The following ATP1A1 variants were observed in gnomAD, a reference collection of about 807,000 sequenced individuals.
ATP1A1 encodes the protein ATPase Na+/K+ transporting subunit alpha 1.
A neutral mutation model predicts 114.8 loss-of-function variants in ATP1A1; 14 were observed. That is an observed-to-expected ratio of 0.12 (90% CI 0.08 to 0.19). ATP1A1 has a LOEUF of 0.19. ATP1A1 is among the 10% of genes least tolerant of loss of function. The probability of loss-of-function intolerance (pLI) is 1.00; values close to 1 mark genes in which losing one functional copy is unlikely to be tolerated. For synonymous variants in ATP1A1, 471 were observed against 466.3 expected, an observed-to-expected ratio of 1.01 and a Z score of -0.13; for missense variants, 524 against 1,290.7, an observed-to-expected ratio of 0.41 and a Z score of 9.10.
rs1234892286 is a variant in ATP1A1, at chr1:116,401,894, C to T, written c.2951+239C>T. 1 of 556,972 alleles carries T rather than the reference C, an allele frequency of 1.8e-6. No homozygotes were observed. Among genetic ancestry groups the T allele is most frequent in the Admixed American group, 3.3e-5 (1 of 30,576 alleles). The allele number at this position is 556,972 out of a possible 1,614,324, so 34.5% of individuals were successfully genotyped here. ...CCAAGATAAGATAAAGCCACACAGGCTCTAGCTCCATGGAACTGCTCAACA... is the reference window on the plus strand; with the variant it reads ...CCAAGATAAGATAAAGCCACACAGGTTCTAGCTCCATGGAACTGCTCAACA... On this transcript the variant is annotated intron_variant, in intron 21 of 22. Coordinates refer to ENST00000295598, the MANE Select transcript of ATP1A1 (RefSeq NM_000701.8). The surrounding 1 kb of genome is among the most constrained non-coding windows in gnomAD (Gnocchi z 4.7).
Position 116,398,107 on chromosome 1 carries a change from C to T in ATP1A1, c.2124+69C>T. 1 of 1,581,290 alleles carries T rather than the reference C, an allele frequency of 6.3e-7. No individual in the cohort carries two copies. ...TTAGGGATTGGAGTTCCAGTGGAAACAGAGCAACGGTGATGGATGGATGCA... is the reference window on the plus strand; with the variant it reads ...TTAGGGATTGGAGTTCCAGTGGAAATAGAGCAACGGTGATGGATGGATGCA... On this transcript the variant is annotated intron_variant, in intron 15 of 22. Coordinates refer to ENST00000295598, the MANE Select transcript of ATP1A1 (RefSeq NM_000701.8). The surrounding 1 kb of genome is among the most constrained non-coding windows in gnomAD (Gnocchi z 6.1).
rs1391102175 is a variant in ATP1A1, at chr1:116,398,505, T to A, written c.2125-116T>A. ...GACGGTTCTCAGGCTTCATAAATAG[T>A]CTCAATAGGAAAGGAGCAGTGTCTG... On this transcript the variant is annotated intron_variant, in intron 15 of 22. Coordinates refer to ENST00000295598, the MANE Select transcript of ATP1A1 (RefSeq NM_000701.8). The surrounding 1 kb of genome is among the most constrained non-coding windows in gnomAD (Gnocchi z 6.1). 1 of 1,300,728 alleles carries A rather than the reference T, an allele frequency of 7.7e-7. No individual in the cohort carries two copies. The highest frequency in any genetic ancestry group is 1.5e-5 in the African/African-American group (1 of 67,376). 80.6% of individuals were successfully genotyped at this position (1,300,728 alleles called of 1,614,324 possible). A position where few individuals can be genotyped will look rare whatever the true frequency, so the allele number is the denominator to read the frequency against.
intron 1 of ATP1A1, among the ~76,000 whole-genome samples, chr1:116,375,319 G>A (rs533076257): frequency 6.6e-5 from 10 of 152,254 alleles, no homozygotes; most frequent in African/African-American, 2.4e-4. Flanking sequence ...CTTTAACATT[G>A]AGTTCTTTAT....
chr1:116,398,002 G>T lies in ATP1A1; in HGVS notation c.2088G>T (p.Gln696His). The change falls in exon 15 of 23, where the codon CAG becomes CAT. Residue 696 changes from glutamine (Q) to histidine (H), a missense_variant. Gln to His is a conservative substitution (Grantham distance 24). Coordinates refer to ENST00000295598, the MANE Select transcript of ATP1A1 (RefSeq NM_000701.8). This position sits in a 1 kb window ranked among gnomAD's most constrained non-coding sequence, Gnocchi z 6.1. ...TAGTGTTTGCCAGGACCTCCCCTCA[G>T]CAGAAGCTCATCATTGTGGAAGGCT... ...TEIVFARTSP[Q>H]QKLIIVEGCQ... is the part of the protein sequence containing the mutation. 6.2e-7 allele frequency: 1 copy of T among 1,614,102 alleles called. No homozygotes were observed. Among genetic ancestry groups the T allele is most frequent in the South Asian group, 1.1e-5 (1 of 91,074 alleles).
rs1168647547 is a variant in ATP1A1, at chr1:116,397,308, T to C, written c.1973+574T>C. Among the ~76,000 whole-genome samples, 1 of 152,152 alleles carries C rather than the reference T, an allele frequency of 6.6e-6. No individual in the cohort carries two copies. The highest frequency in any genetic ancestry group is 1.5e-5 in the Non-Finnish European group (1 of 68,022). On this transcript the variant is annotated intron_variant, in intron 14 of 22. Transcript: ENST00000295598. This position sits in a 1 kb window ranked among gnomAD's most constrained non-coding sequence, Gnocchi z 4.2. ...TGGTCTTGTATCAGCTCTGCCACTT[T>C]CTAAAACTTGGTTATATTTCTTTTT... is the stretch of plus-strand genomic sequence containing the variant.
In ATP1A1 at chr1:116,387,248, C is replaced by G; in HGVS notation, c.184-40C>G. ...AGGTAGGTATATTGCCTTGTAAGTG[C>G]TGGTACAGTTTGCCTTATTTATATT... On this transcript the variant is annotated intron_variant, in intron 3 of 22. Transcript: ENST00000295598. This position sits in a 1 kb window ranked among gnomAD's most constrained non-coding sequence, Gnocchi z 6.7. 6.2e-7 allele frequency: 1 copy of G among 1,610,442 alleles called. No individual in the cohort carries two copies. Among genetic ancestry groups the G allele is most frequent in the East Asian group, 2.2e-5 (1 of 44,848 alleles).
rs79924808 is a variant in ATP1A1 at position 116,400,114 on chromosome 1, C to T, written c.2572+571C>T. On this transcript the variant is annotated intron_variant, in intron 18 of 22. Transcript: ENST00000295598. The stretch of plus-strand genomic sequence containing the variant: ...GTTTTTAAATCCTCTGCCTAGGGTT[C>T]CTTCAAGAGAACCTGGCAAAGCCAC... Among the ~76,000 whole-genome samples the T allele has an allele frequency of 2.4e-3, 362 of 152,336 alleles. 1 individual carries two copies. Among genetic ancestry groups the T allele is most frequent in the African/African-American group, 8.2e-3 (342 of 41,576 alleles).
rs1024065275 is a variant in ATP1A1, at chr1:116,395,856, A to G, written c.1836+571A>G. Among the ~76,000 whole-genome samples the G allele has an allele frequency of 5.9e-5, 9 of 152,086 alleles. No homozygotes were observed. Among genetic ancestry groups the G allele is most frequent in the African/African-American group, 1.7e-4 (7 of 41,402 alleles). Reference sequence around the variant, plus strand: ...AACCTCCGCCTCCCAGGTTCAAGCAATTCTCCTGCCCCAGCCTCCCAAGTA... The same window carrying G: ...AACCTCCGCCTCCCAGGTTCAAGCAGTTCTCCTGCCCCAGCCTCCCAAGTA... On this transcript the variant is annotated intron_variant, in intron 13 of 22. Coordinates refer to ENST00000295598, the MANE Select transcript of ATP1A1 (RefSeq NM_000701.8). The surrounding 1 kb of genome is among the most constrained non-coding windows in gnomAD (Gnocchi z 6.4).
At chr1:116,379,364 C>T (rs1651588732) in intron 1 of ATP1A1, among the ~76,000 whole-genome samples, 1 of 152,210 alleles carries the variant, frequency 6.6e-6, no homozygotes, top group Non-Finnish European at 1.5e-5. Flanking sequence ...GCCCCTCAGG[C>T]TCACCTCCTC....
At chr1:116,375,384 C>G (rs1198298048) in intron 1 of ATP1A1, among the ~76,000 whole-genome samples, 2 of 152,200 alleles carry the variant, frequency 1.3e-5, no homozygotes, top group Non-Finnish European at 2.9e-5. Context: ...AATTAATAGG[C>G]CATGGAGATG....
chr1:116,393,838 A>G lies in ATP1A1; in HGVS notation c.1660+115A>G. 9.4e-7 allele frequency: 1 copy of G among 1,060,054 alleles called. No homozygotes were observed. The highest frequency in any genetic ancestry group is 1.3e-6 in the Non-Finnish European group (1 of 753,230). 65.7% of individuals were successfully genotyped at this position (1,060,054 alleles called of 1,614,324 possible). On this transcript the variant is annotated intron_variant, in intron 12 of 22. Coordinates refer to ENST00000295598, the MANE Select transcript of ATP1A1 (RefSeq NM_000701.8). This position sits in a 1 kb window ranked among gnomAD's most constrained non-coding sequence, Gnocchi z 5.0. The stretch of plus-strand genomic sequence containing the variant: ...CTCTATGTCTTGTTGACCTTCCTCT[A>G]CATCTTTTAGGGGCAATCCTCCTAT...
At position 116,389,062 on chromosome 1, in the gene ATP1A1, C is replaced by A; in HGVS notation, c.754+43C>A. The A allele has an allele frequency of 6.6e-7, 1 of 1,526,272 alleles. No individual in the cohort carries two copies. Among genetic ancestry groups the A allele is most frequent in the Non-Finnish European group, 9.1e-7 (1 of 1,104,074 alleles). The allele number at this position is 1,526,272 out of a possible 1,614,324, so 94.5% of individuals were successfully genotyped here. On this transcript the variant is annotated intron_variant, in intron 7 of 22. Coordinates refer to ENST00000295598, the MANE Select transcript of ATP1A1 (RefSeq NM_000701.8). This position sits in a 1 kb window ranked among gnomAD's most constrained non-coding sequence, Gnocchi z 6.9. Reference sequence around the variant, plus strand: ...ACTTTGAGCATGGCGTGGTATTTCTCTTGGGCATTAACAAAATCAAAACCA... The same window carrying A: ...ACTTTGAGCATGGCGTGGTATTTCTATTGGGCATTAACAAAATCAAAACCA...
At position 116,398,499 on chromosome 1, in the gene ATP1A1, A is replaced by G; in HGVS notation, c.2125-122A>G. 1 of 1,269,686 alleles carries G rather than the reference A, an allele frequency of 7.9e-7. No homozygotes were observed. Among genetic ancestry groups the G allele is most frequent in the East Asian group, 2.3e-5 (1 of 42,836 alleles). 78.7% of individuals were successfully genotyped at this position (1,269,686 alleles called of 1,614,324 possible). ...GCCTGTGACGGTTCTCAGGCTTCAT[A>G]AATAGTCTCAATAGGAAAGGAGCAG... On this transcript the variant is annotated intron_variant, in intron 15 of 22. Coordinates refer to ENST00000295598, the MANE Select transcript of ATP1A1 (RefSeq NM_000701.8). This position sits in a 1 kb window ranked among gnomAD's most constrained non-coding sequence, Gnocchi z 6.1.
intron 1 of ATP1A1, among the ~76,000 whole-genome samples, chr1:116,374,794 G>A (rs187650366): frequency 3.9e-5 from 6 of 152,318 alleles, no homozygotes; most frequent in Admixed American, 3.9e-4. Context: ...GTCTTTGAAG[G>A]CCCTGAGGCT....
chr1:116,404,404 T>G lies in ATP1A1; in HGVS notation c.3044-12T>G, dbSNP rs1200629377. On this transcript the variant is annotated splice_polypyrimidine_tract_variant and intron_variant, in intron 22 of 22. Coordinates refer to ENST00000295598, the MANE Select transcript of ATP1A1 (RefSeq NM_000701.8). This position sits in a 1 kb window ranked among gnomAD's most constrained non-coding sequence, Gnocchi z 4.8. The stretch of plus-strand genomic sequence containing the variant: ...CTGTAGTGTGTCTTGTCTGTCTCTT[T>G]GCCACCCACAGGCTGGGTGGAGAAG... 6.2e-7 allele frequency: 1 copy of G among 1,613,878 alleles called. No individual in the cohort carries two copies. The highest frequency in any genetic ancestry group is 1.1e-5 in the South Asian group (1 of 91,044).
At chr1:116,386,126 C>CAAAAAAAAAA (rs59480092) in intron 3 of ATP1A1, 7 of 36,120 alleles carry the variant, frequency 1.9e-4, no homozygotes, top group Non-Finnish European at 2.6e-4. Flanking sequence ...AACTCCATCT[C>CAAAAAAAAAA]AAAAAAAAAA....
chr1:116,390,959 A>G, intron 10 of ATP1A1, 68 bp downstream of exon 10: 1 of 1,376,832 alleles, frequency 7.3e-7, no homozygotes, highest in Non-Finnish European at 1.0e-6. Context: ...GAGTGTTAAA[A>G]GTAGCAAATT....
chr1:116,385,043 G>A lies in ATP1A1; in HGVS notation c.183+201G>A, dbSNP rs1651994101. On this transcript the variant is annotated intron_variant, in intron 3 of 22. Coordinates refer to ENST00000295598, the MANE Select transcript of ATP1A1 (RefSeq NM_000701.8). The surrounding 1 kb of genome is among the most constrained non-coding windows in gnomAD (Gnocchi z 4.3). Reference sequence around the variant, plus strand: ...TCCCTGAAACTTTTTGAAAGTAGATGTTATTTTCTTTTCCCTATTTTATAG... The same window carrying A: ...TCCCTGAAACTTTTTGAAAGTAGATATTATTTTCTTTTCCCTATTTTATAG... 1.8e-6 allele frequency: 1 copy of A among 565,490 alleles called. No homozygotes were observed. The highest frequency in any genetic ancestry group is 2.2e-5 in the South Asian group (1 of 45,754). 35.0% of individuals were successfully genotyped at this position (565,490 alleles called of 1,614,324 possible). A position where few individuals can be genotyped will look rare whatever the true frequency, so the allele number is the denominator to read the frequency against.
In ATP1A1 at chr1:116,387,775, T is replaced by G. The variant is rs553410256; in HGVS notation, c.387+284T>G. 6.6e-6 allele frequency among the ~76,000 whole-genome samples: 1 copy of G among 152,356 alleles called. No individual in the cohort carries two copies. Among genetic ancestry groups the G allele is most frequent in the East Asian group, 1.9e-4 (1 of 5,174 alleles). ...CAGGCCCCGGCCGCCACCCACTGGA[T>G]GGCAGAGCACAGCGATTCATGTTGG... On this transcript the variant is annotated intron_variant, in intron 4 of 22. Transcript: ENST00000295598. The surrounding 1 kb of genome is among the most constrained non-coding windows in gnomAD (Gnocchi z 6.7).
Sources: allele counts gnomAD v4.1 joint callset (sites outside exome capture counted in the v4.1 genomes callset), GRCh38; gene constraint gnomAD v4.1.1; non-coding constraint Gnocchi (gnomAD v3.1); transcripts MANE v1.5; gene names NCBI Gene and HGNC (gene_info 2026-07-23, HGNC 2026-07-21).